HECTD2: variants seen among roughly 807,000 people sequenced by gnomAD.
HECTD2 encodes the protein HECT domain E3 ubiquitin protein ligase 2, also known as probable E3 ubiquitin-protein ligase HECTD2.
Under a neutral mutation model 103.2 loss-of-function variants are expected in HECTD2, and 35 were observed. That is an observed-to-expected ratio of 0.34 (90% confidence interval 0.26 to 0.45). The LOEUF is 0.45. HECTD2 is among the 20% of genes least tolerant of loss of function. The pLI is 1.00. For missense variants in HECTD2, 596 were observed against 937.4 expected (o/e 0.64, Z 4.76); for synonymous variants, 281 against 329.9 (o/e 0.85, Z 1.61).
intron 11 of HECTD2, among the ~76,000 whole-genome samples, chr10:91,490,338 C>G (rs1420700205): frequency 6.6e-6 from 1 of 151,844 alleles, no homozygotes; most frequent in Non-Finnish European, 1.5e-5. Context: ...ATAGATAATG[C>G]TGTGATAAAC....
rs1486622824 is a variant in HECTD2 at position 91,461,294 on chromosome 10, G to C, written c.448G>C (p.Ala150Pro). The C allele has an allele frequency of 9.0e-6, 14 of 1,555,552 alleles. No homozygotes were observed. Among genetic ancestry groups the C allele is most frequent in the Non-Finnish European group, 1.1e-5 (13 of 1,152,650 alleles). Residue 150 changes from alanine to proline, a missense_variant, in exon 4 of 21, where the codon GCA (alanine) becomes CCA (proline). Physicochemically the swap from Ala to Pro is conservative, Grantham distance 27. Coordinates refer to ENST00000298068, the MANE Select transcript of HECTD2 (RefSeq NM_182765.6). ...AGTTAAGTCATCAGGAGATTGGAAA[G>C]CAGTACATGATTTTTATCTAACAAC... ...EKVKSSGDWKAVHDFYLTTFD... is the reference protein window; with the variant it reads ...EKVKSSGDWKPVHDFYLTTFD...
rs142029829 is a variant in HECTD2, at chr10:91,445,430, A to G, written c.269-14997A>G. 1.7e-4 allele frequency among the ~76,000 whole-genome samples: 26 copies of G among 152,294 alleles called. 1 individual carries two copies. Among genetic ancestry groups the G allele is most frequent in the Non-Finnish European group, 3.7e-4 (25 of 68,006 alleles). On this transcript the variant is annotated intron_variant, in intron 2 of 20. Transcript: ENST00000298068. Reference sequence around the variant, plus strand: ...TGTGCCTTGAGTTTCAATATAAATAATTTTTAATTAAATAAGTAATAAGTA... The same window carrying G: ...TGTGCCTTGAGTTTCAATATAAATAGTTTTTAATTAAATAAGTAATAAGTA...
intron 5 of HECTD2, among the ~76,000 whole-genome samples, chr10:91,476,421 A>G (rs1049241478): frequency 6.6e-6 from 1 of 152,184 alleles, no homozygotes; most frequent in Non-Finnish European, 1.5e-5. Flanking sequence ...GAGGGAAACA[A>G]TCATGACACG....
chr10:91,412,250 A>G (rs549029210), intron 1 of HECTD2, among the ~76,000 whole-genome samples: 1 of 152,346 alleles, frequency 6.6e-6, no homozygotes, highest in South Asian at 2.1e-4. Context: ...GATTAGGTGC[A>G]TGTTTTTGCC....
intron 5 of HECTD2, among the ~76,000 whole-genome samples, chr10:91,471,506 A>C (rs1238775084): frequency 2.0e-5 from 3 of 152,270 alleles, no homozygotes; most frequent in Admixed American, 6.5e-5. Context: ...AAGGCACCAA[A>C]ATAGGACGAG....
rs1194918712 is a variant in HECTD2, at chr10:91,514,704, C to G, written c.*2320C>G. 2 of 152,408 alleles carry G rather than the reference C, an allele frequency of 1.3e-5. No individual in the cohort carries two copies. The highest frequency in any genetic ancestry group is 4.8e-5 in the African/African-American group (2 of 41,384). The allele number at this position is 152,408 out of a possible 1,614,324, so 9.4% of individuals were successfully genotyped here. On this transcript the variant is annotated 3_prime_UTR_variant, in exon 21 of 21. Coordinates refer to ENST00000298068, the MANE Select transcript of HECTD2 (RefSeq NM_182765.6). ...TACGTCCTTCCTTTTTTGTACAAAT[C>G]TGTATTGTATTAATTTCTGGATGCA...
chr10:91,482,052 A>T (rs1028890721), intron 7 of HECTD2, among the ~76,000 whole-genome samples: 6 of 151,774 alleles, frequency 4.0e-5, no homozygotes, highest in Non-Finnish European at 8.9e-5. Context: ...CTCAAGAATA[A>T]ACATATGTAG....
chr10:91,419,160 T>G (rs997192224), intron 1 of HECTD2, among the ~76,000 whole-genome samples: 6 of 151,946 alleles, frequency 3.9e-5, no homozygotes, highest in African/African-American at 1.5e-4. Flanking sequence ...ACTTTTGGAG[T>G]ATAGAGGATG....
chr10:91,492,323 C>A, intron 12 of HECTD2, 29 bp from the exon 13 acceptor site: 1 of 1,596,044 alleles, frequency 6.3e-7, no homozygotes, highest in Non-Finnish European at 8.6e-7. Context: ...GCTCTTTGTT[C>A]TCCTCTACTG....
chr10:91,483,501 T>C (rs1014773863), intron 8 of HECTD2, among the ~76,000 whole-genome samples: 1 of 151,970 alleles, frequency 6.6e-6, no homozygotes, highest in Non-Finnish European at 1.5e-5. Flanking sequence ...CATTGTAAAA[T>C]ATAGGCTAGC....
In HECTD2 at chr10:91,418,744, T is replaced by C. The variant is rs560360613; in HGVS notation, c.139-6537T>C. On this transcript the variant is annotated intron_variant, in intron 1 of 20. Coordinates refer to ENST00000298068, the MANE Select transcript of HECTD2 (RefSeq NM_182765.6). ...GGCCTAAAATAGTCTCTTTGTAGAC[T>C]GTAAATTATATCGTTGGCTCCAGGA... 2.0e-5 allele frequency among the ~76,000 whole-genome samples: 3 copies of C among 152,268 alleles called. No homozygotes were observed. The South Asian group carries it at 6.2e-4, about 32-fold the overall frequency.
upstream of HECTD2, chr10:91,410,214 C>T (rs1293107170): frequency 6.6e-6 from 1 of 151,798 alleles, no homozygotes; most frequent in Admixed American, 6.6e-5. Context: ...AGCAAGAAAC[C>T]TGTGGGACCT....
chr10:91,504,825 T>A (rs1286175059), intron 20 of HECTD2, among the ~76,000 whole-genome samples: 2 of 151,694 alleles, frequency 1.3e-5, no homozygotes, highest in Non-Finnish European at 2.9e-5. Flanking sequence ...CACATAATTG[T>A]CAGATTCACC....
Position 91,461,237 on chromosome 10 carries a change from A to G in HECTD2, c.408-17A>G. On this transcript the variant is annotated splice_polypyrimidine_tract_variant and intron_variant, in intron 3 of 20. Coordinates refer to ENST00000298068, the MANE Select transcript of HECTD2 (RefSeq NM_182765.6). Reference sequence around the variant, plus strand: ...ATATTTCTATATGTATATACGGTTAATGTGTTTTCATTTTAGGGAAGATGT... The same window carrying G: ...ATATTTCTATATGTATATACGGTTAGTGTGTTTTCATTTTAGGGAAGATGT... 1 of 1,131,750 alleles carries G rather than the reference A, an allele frequency of 8.8e-7. No homozygotes were observed. Among genetic ancestry groups the G allele is most frequent in the Non-Finnish European group, 1.3e-6 (1 of 772,554 alleles). The allele number at this position is 1,131,750 out of a possible 1,614,324, so 70.1% of individuals were successfully genotyped here.
At chr10:91,419,926 G>C (rs1307050450) in intron 1 of HECTD2, among the ~76,000 whole-genome samples, 6 of 152,124 alleles carry the variant, frequency 3.9e-5, no homozygotes, top group Admixed American at 3.9e-4. Context: ...AATTTCAGAA[G>C]GTTTGTAAAG....
At chr10:91,440,398 C>G (rs1368280341) in intron 2 of HECTD2, among the ~76,000 whole-genome samples, 1 of 151,930 alleles carries the variant, frequency 6.6e-6, no homozygotes, top group African/African-American at 2.4e-5. Context: ...TGTGTATGTT[C>G]AACTAGCCCT....
At chr10:91,477,145 C>CA (rs1385383094) in intron 5 of HECTD2, among the ~76,000 whole-genome samples, 1 of 142,012 alleles carries the variant, frequency 7.0e-6, no homozygotes. Flanking sequence ...TGCGCCACTG[C>CA]AGTACGCAGT....
intron 5 of HECTD2, among the ~76,000 whole-genome samples, chr10:91,473,271 C>T (rs1158410007): frequency 1.3e-5 from 2 of 152,036 alleles, no homozygotes; most frequent in Admixed American, 6.6e-5. Context: ...GCAGACTGCT[C>T]CACAGCAATC....
intron 1 of HECTD2, among the ~76,000 whole-genome samples, chr10:91,422,800 C>T (rs1434700280): frequency 6.6e-6 from 1 of 152,072 alleles, no homozygotes; most frequent in Non-Finnish European, 1.5e-5. Context: ...TGTAAATCCA[C>T]TAGACATTAG....
Sources: allele counts gnomAD v4.1 joint callset (sites outside exome capture counted in the v4.1 genomes callset), GRCh38; gene constraint gnomAD v4.1.1; transcripts MANE v1.5; gene names NCBI Gene and HGNC (gene_info 2026-07-23, HGNC 2026-07-21).